ANK3: variants seen among roughly 807,000 people sequenced by gnomAD.
ANK3 encodes ankyrin-3.
Under a neutral mutation model 370.9 loss-of-function variants are expected in ANK3, and 57 were observed. The ratio of observed to expected loss-of-function variants is 0.15; its 90% CI spans 0.12 to 0.19. The LOEUF is 0.19. ANK3 is among the 10% of genes least tolerant of loss of function. The pLI, the probability that ANK3 is intolerant of heterozygous loss-of-function variation, is 1.00. For synonymous variants in ANK3, 1,929 were observed against 1,946.3 expected (o/e 0.99, Z 0.23); for missense variants, 4,439 against 5,302.1 (o/e 0.84, Z 5.06).
chr10:60,558,092 C>T (rs913520401), intron 2 of ANK3, among the ~76,000 whole-genome samples: 3 of 152,110 alleles, frequency 2.0e-5, no homozygotes, highest in African/African-American at 7.2e-5. Flanking sequence ...TCAGCAAACA[C>T]ACAGCAATGC....
intron 2 of ANK3, among the ~76,000 whole-genome samples, chr10:60,587,589 A>C (rs573508417): frequency 8.2e-4 from 125 of 152,302 alleles, no homozygotes; most frequent in African/African-American, 2.9e-3. Flanking sequence ...TGCCAACTTA[A>C]AGAGGCTTCC....
At chr10:60,502,821 G>GA (rs746174923) in intron 2 of ANK3, among the ~76,000 whole-genome samples, 3 of 59,704 alleles carry the variant, frequency 5.0e-5, no homozygotes, top group Non-Finnish European at 6.8e-5. Context: ...GAGAAGAAAA[G>GA]AAAAGAAAGA....
At chr10:60,718,763 C>G (rs1564615347) in intron 1 of ANK3, among the ~76,000 whole-genome samples, 1 of 152,022 alleles carries the variant, frequency 6.6e-6, no homozygotes, top group Non-Finnish European at 1.5e-5. Context: ...AGAGAGAAAC[C>G]AAGCCATTTT....
At chr10:60,167,316 C>T (rs548514590) in intron 21 of ANK3, among the ~76,000 whole-genome samples, 46 of 152,246 alleles carry the variant, frequency 3.0e-4, no homozygotes, top group African/African-American at 9.1e-4. Flanking sequence ...AGCTTTCCGT[C>T]TATTTTGTGT....
chr10:60,618,631 G>A (rs980087332), intron 1 of ANK3, among the ~76,000 whole-genome samples: 5 of 152,162 alleles, frequency 3.3e-5, no homozygotes, highest in African/African-American at 1.2e-4. Flanking sequence ...CAGCAAGGTA[G>A]AAGGAGAAAA....
rs560196724 is a variant in ANK3 at position 60,522,269 on chromosome 10, G to A, written c.96+92917C>T. ...TTTTATGCTTAGTTTCAATGCTCAC[G>A]CTGGGGTTGTTTCCTGCTGACACAG... On this transcript the variant is annotated intron_variant, in intron 2 of 43. Coordinates refer to the ANK3 transcript ENST00000373827. 4.5e-4 allele frequency among the ~76,000 whole-genome samples: 69 copies of A among 151,712 alleles called. 1 individual carries two copies. The highest frequency in any genetic ancestry group is 1.5e-3 in the African/African-American group (61 of 41,376).
intron 2 of ANK3, among the ~76,000 whole-genome samples, chr10:60,585,714 T>C (rs543594359): frequency 1.3e-5 from 2 of 152,194 alleles, no homozygotes; most frequent in South Asian, 2.1e-4. Context: ...AGATTAGACA[T>C]GTACCAAGGT....
chr10:60,608,703 T>A (rs1325975023), intron 2 of ANK3, among the ~76,000 whole-genome samples: 1 of 152,224 alleles, frequency 6.6e-6, no homozygotes, highest in Non-Finnish European at 1.5e-5. Context: ...CCAGATTACA[T>A]ATGTTTAGTG....
At chr10:60,399,593 T>G (rs72806146) in intron 2 of ANK3, among the ~76,000 whole-genome samples, 16,592 of 152,080 alleles carry the variant, frequency 0.11, 988 homozygotes, top group South Asian at 0.14. Context: ...TGTTGACATG[T>G]AACAAGCTGC....
At chr10:60,630,488 G>A (rs527948550) in intron 1 of ANK3, among the ~76,000 whole-genome samples, 2 of 152,310 alleles carry the variant, frequency 1.3e-5, no homozygotes, top group South Asian at 2.1e-4. Context: ...AAATAAGTAA[G>A]TAAACAAAGG....
At chr10:60,336,326 A>G (rs1353831786) in intron 1 of ANK3, among the ~76,000 whole-genome samples, 1 of 152,170 alleles carries the variant, frequency 6.6e-6, no homozygotes, top group Non-Finnish European at 1.5e-5. Context: ...GTGAGAGGGA[A>G]GAGATGAAAA....
intron 1 of ANK3, among the ~76,000 whole-genome samples, chr10:60,665,018 G>A (rs1465682153): frequency 2.0e-5 from 3 of 152,154 alleles, no homozygotes; most frequent in Admixed American, 6.5e-5. Context: ...TTCCTATCCC[G>A]AATGGCCAGC....
intron 1 of ANK3, among the ~76,000 whole-genome samples, chr10:60,342,602 G>A (rs1175043490): frequency 2.6e-5 from 4 of 152,094 alleles, no homozygotes; most frequent in South Asian, 2.1e-4. Flanking sequence ...AAACTAATAC[G>A]GTAGCTGAGA....
intron 7 of ANK3, among the ~76,000 whole-genome samples, chr10:60,240,103 TAA>T (rs1491392207): frequency 8.1e-5 from 9 of 111,250 alleles, no homozygotes; most frequent in Admixed American, 2.1e-4. Context: ...TACACACACA[TAA>T]ATACATATAT....
At chr10:60,345,639 A>AGGCCGGGCGCGGTG (rs1331556433) in intron 1 of ANK3, among the ~76,000 whole-genome samples, 1 of 152,172 alleles carries the variant, frequency 6.6e-6, no homozygotes, top group Non-Finnish European at 1.5e-5. Context: ...ACAATACTAA[A>AGGCCGGGCGCGGTG]GCTCCAGTTC....
At chr10:60,633,718 C>T (rs551840668) in intron 1 of ANK3, among the ~76,000 whole-genome samples, 1 of 152,258 alleles carries the variant, frequency 6.6e-6, no homozygotes, top group African/African-American at 2.4e-5. Flanking sequence ...TTCTGGATAA[C>T]TATAGGTGAT....
At chr10:60,518,155 C>A (rs1360489452) in intron 2 of ANK3, among the ~76,000 whole-genome samples, 1 of 152,140 alleles carries the variant, frequency 6.6e-6, no homozygotes, top group African/African-American at 2.4e-5. Context: ...GCAAGGACAT[C>A]ATGGAAGAAC....
intron 40 of ANK3, 41 bp from the exon 41 acceptor site, chr10:60,059,471 C>G: frequency 6.5e-7 from 1 of 1,528,208 alleles, no homozygotes; most frequent in Non-Finnish European, 9.1e-7. Flanking sequence ...GCTGAACACG[C>G]TTAAGAATAG....
At chr10:60,393,111 A>G (rs1267940635), upstream of ANK3, among the ~76,000 whole-genome samples, 1 of 152,252 alleles carries the variant, frequency 6.6e-6, no homozygotes, top group Non-Finnish European at 1.5e-5. Flanking sequence ...AATTTTTATT[A>G]GCTGAAGAAA....
Sources: allele counts gnomAD v4.1 joint callset (sites outside exome capture counted in the v4.1 genomes callset), GRCh38; gene constraint gnomAD v4.1.1; transcripts MANE v1.5; gene names NCBI Gene and HGNC (gene_info 2026-07-23, HGNC 2026-07-21).